Variants in ERMP1 observed in about 807,000 individuals in gnomAD.
ERMP1 encodes the protein Felix-ina.
A neutral mutation model predicts 92.0 loss-of-function variants in ERMP1; 86 were observed. That is an observed-to-expected ratio of 0.93 (90% CI 0.79 to 1.12). The LOEUF (loss-of-function observed/expected upper bound fraction) is 1.12, where lower values mean the gene tolerates loss of function less well. ERMP1 is among the 50% of genes most tolerant of loss of function. The probability of loss-of-function intolerance (pLI) is 0.00; values close to 1 mark genes in which losing one functional copy is unlikely to be tolerated. For missense variants in ERMP1, 1,342 were observed against 1,116.3 expected, an observed-to-expected ratio of 1.20 and a Z score of -2.88; for synonymous variants, 530 against 412.8, an observed-to-expected ratio of 1.28 and a Z score of -3.44.
chr9:5,806,656 T>TCTCAAACACCTGGC (rs1191147369), intron 8 of ERMP1, among the ~76,000 whole-genome samples: 1 of 151,988 alleles, frequency 6.6e-6, no homozygotes, highest in African/African-American at 2.4e-5. Flanking sequence ...CTCAGCCTGG[T>TCTCAAACACCTGGC]CTCAAACACC....
At chr9:5,808,736 T>TTTTG (rs762674951) in intron 8 of ERMP1, among the ~76,000 whole-genome samples, 15 of 152,186 alleles carry the variant, frequency 9.9e-5, no homozygotes, top group African/African-American at 2.2e-4. Flanking sequence ...CTTTTTAAAT[T>TTTTG]TTTGTTTGTT....
intron 13 of ERMP1, among the ~76,000 whole-genome samples, chr9:5,787,825 G>A (rs1368872292): frequency 6.6e-6 from 1 of 152,140 alleles, no homozygotes. Context: ...GTGTTAAGTT[G>A]GTCCTATCAC....
chr9:5,830,640 C>T, intron 2 of ERMP1, 87 bp downstream of exon 2: 1 of 1,042,604 alleles, frequency 9.6e-7, no homozygotes, highest in Non-Finnish European at 1.4e-6. Context: ...GAAAATGGTC[C>T]CCACAATTGC....
Position 5,805,756 on chromosome 9 carries a change from T to C in ERMP1, c.1578A>G (p.Val526=). ...MNASAQYLGE[V]FFDISLFVHC... ...GGACAAACAGCGAAATGTCAAAAAA[T>C]ACTTCTCCCAGATACTGGGCACTGG... is the stretch of plus-strand genomic sequence containing the variant. The change falls in exon 9 of 15, where the codon GTA becomes GTG. Residue 526 remains valine, a synonymous_variant. Transcript: ENST00000339450. 6.2e-7 allele frequency: 1 copy of C among 1,610,088 alleles called. No individual in the cohort carries two copies. Among genetic ancestry groups the C allele is most frequent in the Non-Finnish European group, 8.5e-7 (1 of 1,178,706 alleles).
rs1225702676 is a variant in ERMP1, at chr9:5,805,006, A to AG, written c.1914+20_1914+21insC. On this transcript the variant is annotated intron_variant, in intron 10 of 14. Coordinates refer to ENST00000339450, the MANE Select transcript of ERMP1 (RefSeq NM_024896.3). Reference sequence around the variant, plus strand: ...TTCATATAAAAAATGAAGAAAAAGAAAAAAACTTATTTTCTCTTACAAAAT... The same window carrying AG: ...TTCATATAAAAAATGAAGAAAAAGAAGAAAAACTTATTTTCTCTTACAAAAT... The AG allele has an allele frequency of 3.2e-6, 5 of 1,573,822 alleles. No individual in the cohort carries two copies. In the East Asian group the frequency reaches 9.0e-5, roughly 28 times the overall value.
intron 5 of ERMP1, among the ~76,000 whole-genome samples, chr9:5,863,187 A>G (rs922675942): frequency 6.6e-6 from 1 of 152,162 alleles, no homozygotes; most frequent in African/African-American, 2.4e-5. Flanking sequence ...TTAGACATGT[A>G]ATGTTAGAAA....
chr9:5,822,030 G>A (rs761230229), intron 4 of ERMP1, among the ~76,000 whole-genome samples: 23 of 152,142 alleles, frequency 1.5e-4, no homozygotes, highest in Non-Finnish European at 2.8e-4. Flanking sequence ...GAAGCAGGAG[G>A]ACTGCTTGAG....
At chr9:5,861,670 C>T (rs1403863370) in intron 5 of ERMP1, among the ~76,000 whole-genome samples, 2 of 150,542 alleles carry the variant, frequency 1.3e-5, no homozygotes, top group African/African-American at 4.9e-5. Context: ...CACTCTCTTC[C>T]CAGTGCAGGC....
chr9:5,825,707 A>T (rs1829706483), intron 2 of ERMP1, among the ~76,000 whole-genome samples: 1 of 152,170 alleles, frequency 6.6e-6, no homozygotes, highest in African/African-American at 2.4e-5. Flanking sequence ...TGGATGGTGT[A>T]ACATTCCTTT....
Position 5,791,723 on chromosome 9 carries a change from A to G in ERMP1, c.2387-4130T>C, listed in dbSNP as rs561270709. Among the ~76,000 whole-genome samples, 4 of 152,316 alleles carry G rather than the reference A, an allele frequency of 2.6e-5. No individual in the cohort carries two copies. The South Asian group carries it at 8.3e-4, about 32-fold the overall frequency. ...AAGCATCTGTCTCCGTACTAAGCCC[A>G]AGTAGAATGCTTTAAAAGAAAAACA... is the stretch of plus-strand genomic sequence containing the variant. On this transcript the variant is annotated intron_variant, in intron 13 of 14. Coordinates refer to ENST00000339450, the MANE Select transcript of ERMP1 (RefSeq NM_024896.3).
At chr9:5,833,308 G>C (rs1214502374), upstream of ERMP1, among the ~76,000 whole-genome samples, 3 of 152,172 alleles carry the variant, frequency 2.0e-5, no homozygotes, top group Non-Finnish European at 2.9e-5. Context: ...CAAATGTAAA[G>C]ACACCTAAAA....
intron 4 of ERMP1, among the ~76,000 whole-genome samples, chr9:5,819,769 G>A (rs572065475): frequency 6.6e-6 from 1 of 152,048 alleles, no homozygotes; most frequent in South Asian, 2.1e-4. Flanking sequence ...AAACCCAAAC[G>A]CAAACAATCA....
At chr9:5,795,732 C>T (rs564553805) in intron 13 of ERMP1, among the ~76,000 whole-genome samples, 7 of 151,716 alleles carry the variant, frequency 4.6e-5, no homozygotes, top group South Asian at 2.1e-4. Context: ...GAGCCGAGAT[C>T]GTACCACTGC....
At chr9:5,819,669 C>T (rs1353100806) in intron 4 of ERMP1, among the ~76,000 whole-genome samples, 1 of 152,222 alleles carries the variant, frequency 6.6e-6, no homozygotes, top group Non-Finnish European at 1.5e-5. Context: ...TGTATTCCTA[C>T]TGCAACACCC....
chr9:5,808,302 C>T (rs1476187356), intron 8 of ERMP1, among the ~76,000 whole-genome samples: 1 of 152,218 alleles, frequency 6.6e-6, no homozygotes, highest in Non-Finnish European at 1.5e-5. Context: ...ACTTCTGCCC[C>T]AATCAACAAT....
intron 6 of ERMP1, among the ~76,000 whole-genome samples, chr9:5,847,619 G>A (rs1053050409): frequency 2.6e-5 from 4 of 152,092 alleles, no homozygotes; most frequent in Non-Finnish European, 5.9e-5. Flanking sequence ...AAATCGGCCA[G>A]GCGCAGTGGC....
chr9:5,818,188 C>G (rs1334270872), intron 4 of ERMP1, among the ~76,000 whole-genome samples: 1 of 151,026 alleles, frequency 6.6e-6, no homozygotes. Flanking sequence ...TTATTCAAGA[C>G]TATGACTACA....
chr9:5,840,882 C>G (rs764129266), intron 6 of ERMP1, among the ~76,000 whole-genome samples: 6 of 152,188 alleles, frequency 3.9e-5, no homozygotes, highest in Non-Finnish European at 5.9e-5. Flanking sequence ...CTGTAGTTGG[C>G]TAGGTGGATG....
At chr9:5,795,290 T>A (rs562427506) in intron 13 of ERMP1, among the ~76,000 whole-genome samples, 3 of 152,280 alleles carry the variant, frequency 2.0e-5, no homozygotes, top group African/African-American at 7.2e-5. Context: ...GCTAACAACA[T>A]ACTCAGTGGT....
Sources: allele counts gnomAD v4.1 joint callset (sites outside exome capture counted in the v4.1 genomes callset), GRCh38; gene constraint gnomAD v4.1.1; transcripts MANE v1.5; gene names NCBI Gene and HGNC (gene_info 2026-07-23, HGNC 2026-07-21).